Variants in KLHL32 observed in about 807,000 individuals in gnomAD.
KLHL32 encodes kelch like family member 32.
A neutral mutation model predicts 64.8 loss-of-function variants in KLHL32; 35 were observed. The ratio of observed to expected loss-of-function variants is 0.54; its 90% CI spans 0.41 to 0.72. The LOEUF is 0.72. Ranked by LOEUF, KLHL32 falls within the 30% of genes least tolerant of loss-of-function variation. The pLI is 0.00. For missense variants in KLHL32, 589 were observed against 768.5 expected (o/e 0.77, Z 2.76); for synonymous variants, 259 against 281.0 (o/e 0.92, Z 0.78).
At chr6:97,118,326 T>C (rs1436210239) in intron 7 of KLHL32, among the ~76,000 whole-genome samples, 1 of 152,138 alleles carries the variant, frequency 6.6e-6, no homozygotes, top group Non-Finnish European at 1.5e-5. Context: ...ATCTTGAGAA[T>C]TGTAGACAAA....
intron 3 of KLHL32, among the ~76,000 whole-genome samples, chr6:97,014,136 T>G (rs1200736958): frequency 6.6e-6 from 1 of 151,830 alleles, no homozygotes; most frequent in Non-Finnish European, 1.5e-5. Context: ...CTACTAAAAA[T>G]ACAAAAAATT....
chr6:97,123,754 G>C (rs1426293449), intron 7 of KLHL32, among the ~76,000 whole-genome samples: 2 of 152,152 alleles, frequency 1.3e-5, no homozygotes, highest in Non-Finnish European at 2.9e-5. Context: ...ATAGAGGAAG[G>C]CATGGAATCT....
At chr6:96,986,057 A>T (rs547890545) in intron 3 of KLHL32, among the ~76,000 whole-genome samples, 1 of 152,024 alleles carries the variant, frequency 6.6e-6, no homozygotes, top group African/African-American at 2.4e-5. Context: ...TTTGGTGTGG[A>T]TGTCTTTTCT....
chr6:97,136,971 C>T (rs1204072685), intron 10 of KLHL32, among the ~76,000 whole-genome samples: 3 of 152,186 alleles, frequency 2.0e-5, no homozygotes, highest in Non-Finnish European at 4.4e-5. Flanking sequence ...ATACTGGCTC[C>T]ACCACTTGCC....
chr6:97,100,690 G>A (rs1454654482), intron 6 of KLHL32, among the ~76,000 whole-genome samples: 3 of 152,064 alleles, frequency 2.0e-5, no homozygotes, highest in Non-Finnish European at 2.9e-5. Flanking sequence ...GTGACCTGGG[G>A]CAGCTGCTTG....
intron 3 of KLHL32, among the ~76,000 whole-genome samples, chr6:97,039,178 A>G (rs1356579397): frequency 6.6e-6 from 1 of 152,162 alleles, no homozygotes; most frequent in Non-Finnish European, 1.5e-5. Flanking sequence ...AATGTGGTAT[A>G]TATACCCAAA....
intron 1 of KLHL32, among the ~76,000 whole-genome samples, chr6:96,926,875 T>C (rs1769227163): frequency 1.3e-5 from 2 of 152,220 alleles, no homozygotes; most frequent in Admixed American, 6.5e-5. Context: ...TTAAAAATTG[T>C]ATCTGGGTCA....
rs1299958500 is a variant in KLHL32, at chr6:96,958,762, G to C, written c.-65-8234G>C. 2.4e-5 allele frequency among the ~76,000 whole-genome samples: 3 copies of C among 125,900 alleles called. No individual in the cohort carries two copies. The East Asian group carries it at 6.2e-4, about 26-fold the overall frequency. The allele number at this position is 125,900 out of a possible 152,430, so 82.6% of individuals were successfully genotyped here. A position where few individuals can be genotyped will look rare whatever the true frequency, so the allele number is the denominator to read the frequency against. On this transcript the variant is annotated intron_variant, in intron 1 of 10. Transcript: ENST00000369261. ...TTCCCCACCCATTGGAAAGAATTCA[G>C]AAAGGGTCATATCTGACAGACTAGT...
intron 3 of KLHL32, among the ~76,000 whole-genome samples, chr6:96,977,792 T>C (rs187441391): frequency 1.3e-5 from 2 of 152,208 alleles, no homozygotes; most frequent in Admixed American, 6.5e-5. Flanking sequence ...GTATTAAATG[T>C]GATGAAACTG....
At position 96,986,348 on chromosome 6, in the gene KLHL32, G is replaced by A. The variant is rs538963910; in HGVS notation, c.204+10171G>A. ...ACCCACTTGAGGAGGCAGTCTGTCCGTTCTTAGATGTCCAACTGCATGCTG... is the reference window on the plus strand; with the variant it reads ...ACCCACTTGAGGAGGCAGTCTGTCCATTCTTAGATGTCCAACTGCATGCTG... On this transcript the variant is annotated intron_variant, in intron 3 of 10. Coordinates refer to ENST00000369261, the MANE Select transcript of KLHL32 (RefSeq NM_052904.4). 2.3e-3 allele frequency among the ~76,000 whole-genome samples: 346 copies of A among 152,284 alleles called. 1 individual carries two copies. The highest frequency in any genetic ancestry group is 8.0e-3 in the African/African-American group (331 of 41,556).
intron 1 of KLHL32, among the ~76,000 whole-genome samples, chr6:96,960,151 TTTAA>T (rs1185996743): frequency 6.6e-6 from 1 of 152,198 alleles, no homozygotes; most frequent in Admixed American, 6.5e-5. Context: ...TTATTACATG[TTTAA>T]TTAAGGTTTT....
intron 7 of KLHL32, among the ~76,000 whole-genome samples, chr6:97,124,056 T>A (rs1798636974): frequency 1.3e-5 from 2 of 152,342 alleles, no homozygotes; most frequent in South Asian, 4.1e-4. Flanking sequence ...TGAGTAACAC[T>A]GCTAAAGAAA....
chr6:96,959,438 T>A (rs1466984213), intron 1 of KLHL32, among the ~76,000 whole-genome samples: 6 of 152,170 alleles, frequency 3.9e-5, no homozygotes, highest in Non-Finnish European at 8.8e-5. Context: ...GTTAACAGGG[T>A]TGGTTTCTTC....
intron 4 of KLHL32, among the ~76,000 whole-genome samples, chr6:97,053,720 T>G (rs1310585849): frequency 6.6e-6 from 1 of 151,572 alleles, no homozygotes; most frequent in African/African-American, 2.4e-5. Flanking sequence ...AGTACATTTG[T>G]TTTTTTTAAT....
intron 6 of KLHL32, among the ~76,000 whole-genome samples, chr6:97,096,722 T>C (rs1012430381): frequency 1.3e-5 from 2 of 152,268 alleles, no homozygotes; most frequent in Admixed American, 6.5e-5. Context: ...CAACTCCTGT[T>C]TGAGGCATGC....
intron 3 of KLHL32, among the ~76,000 whole-genome samples, chr6:96,992,578 A>T (rs939564225): frequency 6.6e-6 from 1 of 152,116 alleles, no homozygotes; most frequent in Admixed American, 6.5e-5. Context: ...TGTATGTGTG[A>T]GAGAGAGAGG....
intron 3 of KLHL32, among the ~76,000 whole-genome samples, chr6:97,015,834 G>T (rs1212230282): frequency 6.6e-6 from 1 of 152,160 alleles, no homozygotes; most frequent in Non-Finnish European, 1.5e-5. Context: ...TGGTTTCATG[G>T]GTCGGCCCGT....
intron 6 of KLHL32, among the ~76,000 whole-genome samples, chr6:97,109,778 C>T (rs772139234): frequency 6.6e-6 from 1 of 152,164 alleles, no homozygotes; most frequent in Non-Finnish European, 1.5e-5. Flanking sequence ...TATCTAATGT[C>T]TCTAGTGCTG....
chr6:97,043,801 T>A (rs1785496250), intron 4 of KLHL32, among the ~76,000 whole-genome samples: 1 of 152,164 alleles, frequency 6.6e-6, no homozygotes, highest in African/African-American at 2.4e-5. Context: ...TGATGACTAA[T>A]GATGATGAAT....
Sources: gnomAD v4.1 joint callset for allele counts (sites outside exome capture counted in the v4.1 genomes callset) on GRCh38, gnomAD v4.1.1 for gene constraint, MANE v1.5 for transcripts, NCBI Gene and HGNC (gene_info 2026-07-23, HGNC 2026-07-21) for gene names.